SLC16A2: variants seen among roughly 807,000 people sequenced by gnomAD.
SLC16A2 encodes monocarboxylate transporter 8.
Under a neutral mutation model 27.2 loss-of-function variants are expected in SLC16A2, and 3 were observed. The observed-to-expected ratio is 0.11, with a 90% CI of 0.05 to 0.28. The LOEUF is 0.28. SLC16A2 is among the 10% of genes least tolerant of loss of function. The probability of loss-of-function intolerance (pLI) is 1.00; values close to 1 mark genes in which losing one functional copy is unlikely to be tolerated. For missense variants in SLC16A2, 295 were observed against 458.5 expected (o/e 0.64, Z 3.26); for synonymous variants, 202 against 187.8 (o/e 1.08, Z -0.62).
At chrX:74,521,492 G>A (rs1028781411) in intron 2 of SLC16A2, among the ~76,000 whole-genome samples, 2 of 112,093 alleles carry the variant, frequency 1.8e-5, no homozygotes, top group African/African-American at 6.5e-5. Context: ...TGTAACATGA[G>A]GGGATTTGAC....
chrX:74,499,988 G>A (rs755252706), intron 1 of SLC16A2, among the ~76,000 whole-genome samples: 1 of 111,299 alleles, frequency 9.0e-6, no homozygotes, highest in East Asian at 2.8e-4. Flanking sequence ...TAGGTTTGAG[G>A]GGAAAGCTAT....
In SLC16A2 at chrX:74,427,811, G is replaced by GCACACACA. The variant is rs35510872; in HGVS notation, c.430+5768_430+5775dup. 2.5e-3 allele frequency among the ~76,000 whole-genome samples: 259 copies of GCACACACA among 101,723 alleles called. 1 individual carries two copies. The highest frequency in any genetic ancestry group is 8.2e-3 in the African/African-American group (229 of 27,958). The allele number at this position is 101,723 out of a possible 115,157, so 88.3% of individuals were successfully genotyped here. A position where few individuals can be genotyped will look rare whatever the true frequency, so the allele number is the denominator to read the frequency against. On this transcript the variant is annotated intron_variant, in intron 1 of 5. Coordinates refer to ENST00000587091, the MANE Select transcript of SLC16A2 (RefSeq NM_006517.5). ...CGCATGCGCACGCGTGCACGCGCGC[G>GCACACACA]CACACACACACACACACACACACAC...
At chrX:74,437,368 T>C (rs1452193864) in intron 1 of SLC16A2, among the ~76,000 whole-genome samples, 1 of 112,410 alleles carries the variant, frequency 8.9e-6, no homozygotes, top group Non-Finnish European at 1.9e-5. Context: ...TGCCTCCACA[T>C]GACGAGGAGA....
intron 1 of SLC16A2, among the ~76,000 whole-genome samples, chrX:74,474,265 G>C (rs1929418301): frequency 9.0e-6 from 1 of 111,505 alleles, no homozygotes; most frequent in East Asian, 2.8e-4. Flanking sequence ...GTAGCTTTCA[G>C]AGTATAAGTT....
At position 74,423,000 on chromosome X, in the gene SLC16A2, T is replaced by C. The variant is rs779093198; in HGVS notation, c.430+933T>C. Among the ~76,000 whole-genome samples, 15 of 112,964 alleles carry C rather than the reference T, an allele frequency of 1.3e-4. No individual in the cohort carries two copies. The East Asian group carries it at 4.2e-3, about 32-fold the overall frequency. Reference sequence around the variant, plus strand: ...GGAGCTGACTTGATCTCAGACAGAGTTGGGGGGCATAGCCCTCGCTTTCCA... The same window carrying C: ...GGAGCTGACTTGATCTCAGACAGAGCTGGGGGGCATAGCCCTCGCTTTCCA... On this transcript the variant is annotated intron_variant, in intron 1 of 5. Transcript: ENST00000587091.
At chrX:74,446,758 A>C (rs1258054903) in intron 1 of SLC16A2, among the ~76,000 whole-genome samples, 1 of 112,610 alleles carries the variant, frequency 8.9e-6, no homozygotes, top group Non-Finnish European at 1.9e-5. Flanking sequence ...TGGATAGGTC[A>C]GGCAGATAGA....
intron 1 of SLC16A2, among the ~76,000 whole-genome samples, chrX:74,481,022 C>T (rs144996481): frequency 1.6e-3 from 176 of 112,483 alleles, no homozygotes; most frequent in South Asian, 0.013. Context: ...ATTGAGATAG[C>T]GTATTACATT....
At chrX:74,524,308 G>T (rs1930454951) in intron 2 of SLC16A2, 51 bp from the exon 3 acceptor site, 1 of 1,165,494 alleles carries the variant, frequency 8.6e-7, no homozygotes, top group Non-Finnish European at 1.2e-6. Context: ...GGGAGGGCAG[G>T]TAGATTGCTG....
At position 74,422,073 on chromosome X, in the gene SLC16A2, TGGCCCCGCAC is replaced by T. The variant is rs1928312588; in HGVS notation, c.430+8_430+17del. 8.3e-7 allele frequency: 1 copy of T among 1,205,572 alleles called. No homozygotes were observed. The highest frequency in any genetic ancestry group is 1.1e-6 in the Non-Finnish European group (1 of 892,856). ...CCAAGTGGAGTTCCAAGCAGGTGAG[TGGCCCCGCAC>T]GCCCCACTTGGCATTTTGGGCAAGG... On this transcript the variant is annotated splice_region_variant and intron_variant, in intron 1 of 5. Coordinates refer to ENST00000587091, the MANE Select transcript of SLC16A2 (RefSeq NM_006517.5).
Position 74,440,485 on chromosome X carries a change from C to T in SLC16A2, c.430+18418C>T, listed in dbSNP as rs779379703. Among the ~76,000 whole-genome samples, 5 of 103,674 alleles carry T rather than the reference C, an allele frequency of 4.8e-5. No homozygotes were observed. The South Asian group carries it at 2.2e-3, about 45-fold the overall frequency. The allele number at this position is 103,674 out of a possible 115,157, so 90.0% of individuals were successfully genotyped here. A position where few individuals can be genotyped will look rare whatever the true frequency, so the allele number is the denominator to read the frequency against. On this transcript the variant is annotated intron_variant, in intron 1 of 5. Transcript: ENST00000587091. Reference sequence around the variant, plus strand: ...AGGGAGATTATTCAGCCTTTTCAGCCTTGGGACTGGAGATTGTTTACTCTG... The same window carrying T: ...AGGGAGATTATTCAGCCTTTTCAGCTTTGGGACTGGAGATTGTTTACTCTG...
intron 1 of SLC16A2, among the ~76,000 whole-genome samples, chrX:74,435,859 C>T (rs939855026): frequency 1.8e-5 from 2 of 110,251 alleles, no homozygotes; most frequent in East Asian, 2.9e-4. Flanking sequence ...GGCTCTGTTA[C>T]TGGCTGTCTT....
intron 1 of SLC16A2, among the ~76,000 whole-genome samples, chrX:74,483,517 C>T (rs963453358): frequency 9.0e-6 from 1 of 110,863 alleles, no homozygotes; most frequent in African/African-American, 3.3e-5. Flanking sequence ...CCAAGATTGT[C>T]GTTGTTCCTG....
intron 1 of SLC16A2, among the ~76,000 whole-genome samples, chrX:74,429,560 G>C: frequency 9.0e-6 from 1 of 111,254 alleles, no homozygotes; most frequent in East Asian, 2.8e-4. Flanking sequence ...CATGGCTGAA[G>C]GGGAAAAGAA....
At chrX:74,502,920 T>C (rs1320564307) in intron 1 of SLC16A2, among the ~76,000 whole-genome samples, 1 of 110,503 alleles carries the variant, frequency 9.0e-6, no homozygotes, top group Non-Finnish European at 1.9e-5. Context: ...TACATGTGTG[T>C]TAGCCTTCTG....
At chrX:74,509,601 T>C (rs1930193644) in intron 1 of SLC16A2, among the ~76,000 whole-genome samples, 1 of 111,500 alleles carries the variant, frequency 9.0e-6, no homozygotes. Context: ...TCTCACTCTG[T>C]TGCCCAGGCT....
rs925237400 is a variant in SLC16A2 at position 74,444,219 on chromosome X, C to T, written c.430+22152C>T. ...CTCATTCTTCATCTTCTCTTATCCT[C>T]ATGCTCTCTGTATTCCCTCTCCATA... On this transcript the variant is annotated intron_variant, in intron 1 of 5. Coordinates refer to ENST00000587091, the MANE Select transcript of SLC16A2 (RefSeq NM_006517.5). Among the ~76,000 whole-genome samples the T allele has an allele frequency of 3.6e-5, 4 of 112,027 alleles. No individual in the cohort carries two copies. The South Asian group carries it at 1.1e-3, about 32-fold the overall frequency.
At chrX:74,426,508 G>A (rs1160327872) in intron 1 of SLC16A2, among the ~76,000 whole-genome samples, 1 of 111,856 alleles carries the variant, frequency 8.9e-6, no homozygotes, top group Non-Finnish European at 1.9e-5. Context: ...GTCTAAAAAA[G>A]CAAGACCCAG....
At chrX:74,486,404 A>C (rs983340203) in intron 1 of SLC16A2, among the ~76,000 whole-genome samples, 1 of 112,482 alleles carries the variant, frequency 8.9e-6, no homozygotes. Context: ...CTGTTTAGGC[A>C]TCCTTGTATC....
chrX:74,433,229 G>T (rs781567440), intron 1 of SLC16A2, among the ~76,000 whole-genome samples: 1 of 110,510 alleles, frequency 9.0e-6, no homozygotes, highest in South Asian at 3.9e-4. Context: ...AAAATTAGCT[G>T]GGCGCAGTGG....
Sources: allele counts gnomAD v4.1 joint callset (sites outside exome capture counted in the v4.1 genomes callset), GRCh38; gene constraint gnomAD v4.1.1; transcripts MANE v1.5; gene names NCBI Gene and HGNC (gene_info 2026-07-23, HGNC 2026-07-21).